The following AKR1C2 variants were observed in gnomAD, a reference collection of about 807,000 sequenced individuals.
The protein encoded by AKR1C2 is 3-alpha-HSD3.
AKR1C2 carries 27 observed loss-of-function variants against 39.8 expected under a neutral mutation model. The observed-to-expected ratio is 0.68, with a 90% CI of 0.50 to 0.93. The LOEUF is 0.93. Ranked by LOEUF, AKR1C2 falls within the 40% of genes least tolerant of loss-of-function variation. AKR1C2 has a pLI of 0.00. For synonymous variants in AKR1C2, 114 were observed against 137.9 expected (o/e 0.83, Z 1.22); for missense variants, 263 against 365.1 (o/e 0.72, Z 2.28).
At chr10:5,005,334 TC>T (rs1554774291), upstream of AKR1C2, among the ~76,000 whole-genome samples, 4 of 152,040 alleles carry the variant, frequency 2.6e-5, no homozygotes. Context: ...ATAGAACAAA[TC>T]TATATACAGT....
chr10:5,013,892 C>T (rs1267169820), intron 1 of AKR1C2, among the ~76,000 whole-genome samples: 19 of 152,184 alleles, frequency 1.2e-4, no homozygotes, highest in African/African-American at 3.9e-4. Flanking sequence ...CTGGCAACCA[C>T]CATTCTACTT....
At chr10:4,997,230 T>C (rs1258082199) in intron 5 of AKR1C2, 2 of 152,362 alleles carry the variant, frequency 1.3e-5, no homozygotes, top group Non-Finnish European at 1.5e-5. Context: ...ATCTAACTTT[T>C]AATTTACAGG....
chr10:5,000,136 C>A (rs1177278583), intron 3 of AKR1C2: 4 of 1,281,954 alleles, frequency 3.1e-6, no homozygotes, highest in Middle Eastern at 6.1e-4. Context: ...TGAGTTCTTG[C>A]CCCTTGAAAA....
At chr10:4,998,273 A>G (rs1837129786) in intron 5 of AKR1C2, among the ~76,000 whole-genome samples, 1 of 151,784 alleles carries the variant, frequency 6.6e-6, no homozygotes, top group Non-Finnish European at 1.5e-5. Flanking sequence ...CTTCATATCT[A>G]TGCACAGTTC....
chr10:5,011,041 A>G (rs1438508030), intron 1 of AKR1C2, among the ~76,000 whole-genome samples: 4 of 97,166 alleles, frequency 4.1e-5, no homozygotes, highest in African/African-American at 1.6e-4. Flanking sequence ...CTGTAAAGCA[A>G]AAAAAAAAAA....
chr10:4,998,276 C>T (rs1388132566), intron 5 of AKR1C2, among the ~76,000 whole-genome samples: 20 of 152,006 alleles, frequency 1.3e-4, no homozygotes. Flanking sequence ...CATATCTATG[C>T]ACAGTTCCCT....
At chr10:4,991,649 C>T (rs1836850115) in intron 8 of AKR1C2, among the ~76,000 whole-genome samples, 182 bp downstream of exon 8, 2 of 146,026 alleles carry the variant, frequency 1.4e-5, no homozygotes, top group Admixed American at 1.4e-4. Flanking sequence ...TGACCCCAGG[C>T]CACTCTCCCT....
Position 4,989,909 on chromosome 10 carries a change from T to C in AKR1C2, c.*87A>G. 1.4e-6 allele frequency: 2 copies of C among 1,463,530 alleles called. No homozygotes were observed. The highest frequency in any genetic ancestry group is 1.2e-5 in the South Asian group (1 of 80,752). The allele number at this position is 1,463,530 out of a possible 1,614,324, so 90.7% of individuals were successfully genotyped here. A position where few individuals can be genotyped will look rare whatever the true frequency, so the allele number is the denominator to read the frequency against. Reference sequence around the variant, plus strand: ...GCAGGAGAGATTTAACCAGAGGCGATGTGTCCAGTCACCAGCATAGAGCCA... The same window carrying C: ...GCAGGAGAGATTTAACCAGAGGCGACGTGTCCAGTCACCAGCATAGAGCCA... On this transcript the variant is annotated 3_prime_UTR_variant, in exon 9 of 9. Transcript: ENST00000380753.
At chr10:4,992,211 T>C (rs1250940685) in intron 7 of AKR1C2, among the ~76,000 whole-genome samples, 2 of 151,172 alleles carry the variant, frequency 1.3e-5, no homozygotes, top group African/African-American at 4.9e-5. Context: ...GATAGGGCCA[T>C]GTACCTAGAA....
rs560905720 is a variant in AKR1C2, at chr10:5,010,811, C to T, written c.-87-6889G>A. On this transcript the variant is annotated intron_variant, in intron 1 of 6. Coordinates refer to the AKR1C2 transcript ENST00000604507. ...TAGACGTGCAACCTTGCTTATACCTCAAAATAGCTTTGCAAGCTTTTAAAA... is the reference window on the plus strand; with the variant it reads ...TAGACGTGCAACCTTGCTTATACCTTAAAATAGCTTTGCAAGCTTTTAAAA... Among the ~76,000 whole-genome samples the T allele has an allele frequency of 4.6e-5, 7 of 152,286 alleles. No homozygotes were observed. In the East Asian group the frequency reaches 1.2e-3, roughly 25 times the overall value.
intron 3 of AKR1C2, chr10:5,000,302 C>T (rs1419671751): frequency 6.7e-7 from 1 of 1,487,758 alleles, no homozygotes; most frequent in Non-Finnish European, 8.9e-7. Flanking sequence ...TTGTCATTTC[C>T]TCAAGTTTTT....
intron 1 of AKR1C2, chr10:5,015,239 G>A (rs1312107449): frequency 1.3e-5 from 2 of 152,158 alleles, no homozygotes; most frequent in Non-Finnish European, 2.9e-5. Flanking sequence ...CATTACCTAT[G>A]GTGCACATTG....
chr10:5,000,406 G>T, intron 3 of AKR1C2, 144 bp downstream of exon 3: 1 of 1,569,140 alleles, frequency 6.4e-7, no homozygotes, highest in East Asian at 2.4e-5. Context: ...TCCATAGAAA[G>T]GAATTAGGAG....
At chr10:5,000,077 A>T in intron 3 of AKR1C2, 3 of 1,114,036 alleles carry the variant, frequency 2.7e-6, no homozygotes, top group South Asian at 7.1e-5. Flanking sequence ...GAGGAAGCAG[A>T]AGCAACAAGG....
chr10:5,000,732 C>G, intron 2 of AKR1C2, 66 bp from the exon 3 acceptor site: 1 of 1,454,542 alleles, frequency 6.9e-7, no homozygotes. Context: ...GTTTGCTCCA[C>G]CTAATATTTA....
intron 1 of AKR1C2, among the ~76,000 whole-genome samples, chr10:5,016,524 C>T (rs1837642593): frequency 6.6e-6 from 1 of 152,238 alleles, no homozygotes; most frequent in African/African-American, 2.4e-5. Context: ...GAGGTGGGCT[C>T]CCAGGGTCTT....
chr10:4,999,315 C>T (rs1554773562), intron 3 of AKR1C2, 38 bp from the exon 4 acceptor site: 37 of 1,503,052 alleles, frequency 2.5e-5, no homozygotes, highest in Non-Finnish European at 3.3e-5. Flanking sequence ...TGTCACAAGT[C>T]AATTTCTCCA....
chr10:5,001,444 T>C (rs1837269327), intron 2 of AKR1C2, 70 bp downstream of exon 2: 1 of 1,554,904 alleles, frequency 6.4e-7, no homozygotes, highest in South Asian at 1.3e-5. Flanking sequence ...ATGGATCCAG[T>C]CATAGAACTG....
upstream of AKR1C2, chr10:5,007,610 A>G (rs1200013219): frequency 2.0e-5 from 3 of 150,194 alleles, no homozygotes; most frequent in African/African-American, 7.4e-5. Context: ...AGTTGAGGAT[A>G]TAAAGGAGAA....
Sources: gnomAD v4.1 joint callset for allele counts (sites outside exome capture counted in the v4.1 genomes callset) on GRCh38, gnomAD v4.1.1 for gene constraint, MANE v1.5 for transcripts, NCBI Gene and HGNC (gene_info 2026-07-23, HGNC 2026-07-21) for gene names.